Variants in ACOT7 observed in about 807,000 individuals in gnomAD.
ACOT7 encodes the protein cytosolic acyl coenzyme A thioester hydrolase.
In ACOT7, 12 loss-of-function variants were observed where a neutral mutation model predicts 40.2. The ratio of observed to expected loss-of-function variants is 0.30; its 90% CI spans 0.19 to 0.48. ACOT7 has a LOEUF of 0.48. ACOT7 is among the 20% of genes least tolerant of loss of function. The pLI is 0.99. For missense variants in ACOT7, 395 were observed against 530.8 expected (o/e 0.74, Z 2.51); for synonymous variants, 228 against 219.5 (o/e 1.04, Z -0.34).
rs758517942 is a variant in ACOT7, at chr1:6,294,860, T to C, written c.829+4A>G. 3 of 1,612,802 alleles carry C rather than the reference T, an allele frequency of 1.9e-6. No individual in the cohort carries two copies. Among genetic ancestry groups the C allele is most frequent in the African/African-American group, 2.7e-5 (2 of 74,894 alleles). On this transcript the variant is annotated splice_donor_region_variant and intron_variant, in intron 7 of 8. Coordinates refer to ENST00000361521, the MANE Select transcript of ACOT7 (RefSeq NM_007274.4). The surrounding 1 kb of genome is among the most constrained non-coding windows in gnomAD (Gnocchi z 4.6). ...TCCCTCGTCTTTGCCAGAAGAGTGG[T>C]TACCTTTTCTGATCTTGTCATGAAA...
intron 7 of ACOT7, among the ~76,000 whole-genome samples, chr1:6,283,834 A>C (rs1037648292): frequency 7.2e-5 from 11 of 152,250 alleles, no homozygotes; most frequent in African/African-American, 2.7e-4. Context: ...GAAATACTTT[A>C]AAACTGGAAA....
chr1:6,359,396 A>C lies in ACOT7; in HGVS notation c.144-9530T>G, dbSNP rs965609742. On this transcript the variant is annotated intron_variant, in intron 1 of 8. Coordinates refer to ENST00000361521, the MANE Select transcript of ACOT7 (RefSeq NM_007274.4). This position sits in a 1 kb window ranked among gnomAD's most constrained non-coding sequence, Gnocchi z 4.1. ...GTCCCAAGGGCCAGCTCCCTGGCTG[A>C]AGCAAAGTGGACAGGCGGTCCAGCC... is the stretch of plus-strand genomic sequence containing the variant. The C allele has an allele frequency of 6.5e-6, 1 of 153,478 alleles. No homozygotes were observed. The highest frequency in any genetic ancestry group is 1.4e-5 in the Non-Finnish European group (1 of 68,976). 9.5% of individuals were successfully genotyped at this position (153,478 alleles called of 1,614,324 possible).
At chr1:6,361,957 C>A (rs1486398006) in intron 1 of ACOT7, among the ~76,000 whole-genome samples, 1 of 152,184 alleles carries the variant, frequency 6.6e-6, no homozygotes, top group African/African-American at 2.4e-5. Context: ...TAAAGAAAAA[C>A]ACACACAGCT....
At chr1:6,361,401 G>A (rs1641890882) in intron 1 of ACOT7, among the ~76,000 whole-genome samples, 1 of 152,198 alleles carries the variant, frequency 6.6e-6, no homozygotes, top group Admixed American at 6.5e-5. Context: ...GAATTAAATC[G>A]TGCTGGTGGC....
At chr1:6,387,153 A>C (rs1430906524) in intron 1 of ACOT7, among the ~76,000 whole-genome samples, 1 of 152,120 alleles carries the variant, frequency 6.6e-6, no homozygotes, top group Non-Finnish European at 1.5e-5. Context: ...AGTGAGTGAA[A>C]GCAGATCTTT....
At chr1:6,277,589 G>A (rs921963248) in intron 8 of ACOT7, among the ~76,000 whole-genome samples, 29 of 152,216 alleles carry the variant, frequency 1.9e-4, no homozygotes, top group Admixed American at 7.2e-4. Context: ...AAGCTCCCCC[G>A]TTACAGACAG....
chr1:6,354,477 A>T (rs2010905), intron 1 of ACOT7, among the ~76,000 whole-genome samples: 16,127 of 152,282 alleles, frequency 0.11, 1,677 homozygotes, highest in African/African-American at 0.26. Context: ...TGAGACAGGG[A>T]CGCAGCTGTC....
Position 6,299,665 on chromosome 1 carries a change from AGTGTGT to A in ACOT7, c.713-4691_713-4686del, listed in dbSNP as rs3838286. Reference sequence around the variant, plus strand: ...CAGAGAGAGAGAGAGAGAGAGCGCAAGTGTGTGTGTGTGTGTGTGTGTGTGTAGGGC... The same window carrying A: ...CAGAGAGAGAGAGAGAGAGAGCGCAAGTGTGTGTGTGTGTGTGTGTAGGGC... On this transcript the variant is annotated intron_variant, in intron 6 of 8. Coordinates refer to ENST00000361521, the MANE Select transcript of ACOT7 (RefSeq NM_007274.4). The surrounding 1 kb of genome is among the most constrained non-coding windows in gnomAD (Gnocchi z 4.1). 4.7e-5 allele frequency among the ~76,000 whole-genome samples: 7 copies of A among 148,444 alleles called. No homozygotes were observed. Among genetic ancestry groups the A allele is most frequent in the East Asian group, 2.0e-4 (1 of 5,022 alleles).
Position 6,294,913 on chromosome 1 carries a change from G to A in ACOT7, c.780C>T (p.Ile260=), listed in dbSNP as rs148303638. Residue 260 remains isoleucine (I), a synonymous_variant, in exon 7 of 9, where the codon ATC becomes ATT. Coordinates refer to ENST00000361521, the MANE Select transcript of ACOT7 (RefSeq NM_007274.4). This position sits in a 1 kb window ranked among gnomAD's most constrained non-coding sequence, Gnocchi z 4.6. ...IVAARHCKTN[I]VTASVDAINF... ...TAATGGCGTCCACGGAAGCTGTGAC[G>A]ATGTTGGTCTTGCAGTGGCGTGCAG... 7.1e-5 allele frequency: 114 copies of A among 1,614,132 alleles called. No homozygotes were observed. The highest frequency in any genetic ancestry group is 4.0e-5 in the African/African-American group (3 of 75,072).
At chr1:6,369,895 T>G (rs1642096007) in intron 1 of ACOT7, among the ~76,000 whole-genome samples, 1 of 152,212 alleles carries the variant, frequency 6.6e-6, no homozygotes. Context: ...AACTTGAAAG[T>G]CAAGATTACT....
At chr1:6,335,494 A>C (rs947660992) in intron 3 of ACOT7, among the ~76,000 whole-genome samples, 3 of 152,146 alleles carry the variant, frequency 2.0e-5, no homozygotes, top group African/African-American at 7.2e-5. Flanking sequence ...CCCTGTCTTA[A>C]AAAAATAAAT....
Position 6,306,963 on chromosome 1 carries a change from T to C in ACOT7, c.712+11529A>G. On this transcript the variant is annotated intron_variant, in intron 6 of 8. Transcript: ENST00000361521. This position sits in a 1 kb window ranked among gnomAD's most constrained non-coding sequence, Gnocchi z 4.3. ...AGAGCGTCTTGGTGGAGGCCTCACT[T>C]GCGTCCCCTCCCATGTTTTCTCTGC... is the stretch of plus-strand genomic sequence containing the variant. The C allele has an allele frequency of 7.9e-7, 1 of 1,263,448 alleles. No homozygotes were observed. Among genetic ancestry groups the C allele is most frequent in the Non-Finnish European group, 1.0e-6 (1 of 965,912 alleles). 78.3% of individuals were successfully genotyped at this position (1,263,448 alleles called of 1,614,324 possible).
At chr1:6,354,627 TCCCCATGGCCTCTGCACTGGCCTCTCACC>T (rs1480956168) in intron 1 of ACOT7, among the ~76,000 whole-genome samples, 32 of 135,502 alleles carry the variant, frequency 2.4e-4, no homozygotes, top group Non-Finnish European at 3.9e-4. Flanking sequence ...GGCCTCTCAC[TCCCCATGGCCTCTGCACTGGCCTCTCACC>T]CCCCGTGGCC....
Position 6,311,286 on chromosome 1 carries a change from C to G in ACOT7, c.712+7206G>C, listed in dbSNP as rs541291942. Among the ~76,000 whole-genome samples the G allele has an allele frequency of 6.6e-6, 1 of 152,280 alleles. No individual in the cohort carries two copies. The highest frequency in any genetic ancestry group is 2.1e-4 in the South Asian group (1 of 4,826). Reference sequence around the variant, plus strand: ...TTTCTAAGCCAGAGAACAACCCATGCCCTCCCTCCATTCCCCTCACGCTCT... The same window carrying G: ...TTTCTAAGCCAGAGAACAACCCATGGCCTCCCTCCATTCCCCTCACGCTCT... On this transcript the variant is annotated intron_variant, in intron 6 of 8. Transcript: ENST00000361521. The surrounding 1 kb of genome is among the most constrained non-coding windows in gnomAD (Gnocchi z 5.2).
intron 1 of ACOT7, among the ~76,000 whole-genome samples, chr1:6,374,248 C>T (rs918329668): frequency 6.6e-6 from 1 of 152,214 alleles, no homozygotes; most frequent in Non-Finnish European, 1.5e-5. Flanking sequence ...GGCCAAATGG[C>T]CCTGGGAGCT....
Position 6,306,868 on chromosome 1 carries a change from G to T in ACOT7, c.712+11624C>A. On this transcript the variant is annotated intron_variant, in intron 6 of 8. Transcript: ENST00000361521. The surrounding 1 kb of genome is among the most constrained non-coding windows in gnomAD (Gnocchi z 4.3). ...TGTGCCCTCTTTTGCATTTTTCAGT[G>T]AAAGTCAACTCCTCCTGCAGGTGCA... is the stretch of plus-strand genomic sequence containing the variant. 1 of 1,289,128 alleles carries T rather than the reference G, an allele frequency of 7.8e-7. No homozygotes were observed. Among genetic ancestry groups the T allele is most frequent in the Non-Finnish European group, 1.0e-6 (1 of 988,680 alleles). The allele number at this position is 1,289,128 out of a possible 1,614,324, so 79.9% of individuals were successfully genotyped here.
intron 8 of ACOT7, among the ~76,000 whole-genome samples, chr1:6,280,249 C>T (rs957019963): frequency 1.3e-5 from 2 of 152,238 alleles, no homozygotes; most frequent in Non-Finnish European, 1.5e-5. Context: ...TCCTCTTGCT[C>T]CCCTCAGTGA....
rs1476035662 is a variant in ACOT7, at chr1:6,306,428, G to A, written c.713-11448C>T. On this transcript the variant is annotated intron_variant, in intron 6 of 8. Transcript: ENST00000361521. The surrounding 1 kb of genome is among the most constrained non-coding windows in gnomAD (Gnocchi z 4.3). ...TAGGATGCTTGGACTGGAGTGATAT[G>A]AACCCCACGCCCAGGCTTTCAGGGT... The A allele has an allele frequency of 4.1e-6, 4 of 985,188 alleles. No individual in the cohort carries two copies. In the Admixed American group the frequency reaches 2.5e-4, roughly 61 times the overall value. The allele number at this position is 985,188 out of a possible 1,614,324, so 61.0% of individuals were successfully genotyped here.
intron 1 of ACOT7, among the ~76,000 whole-genome samples, chr1:6,364,063 C>CA (rs1641948801): frequency 6.6e-6 from 1 of 152,058 alleles, no homozygotes; most frequent in East Asian, 1.9e-4. Context: ...GACCTTGTCT[C>CA]AAAAAAGGCT....
Sources: gnomAD v4.1 joint callset for allele counts (sites outside exome capture counted in the v4.1 genomes callset) on GRCh38, gnomAD v4.1.1 for gene constraint, Gnocchi (gnomAD v3.1) non-coding constraint, MANE v1.5 for transcripts, NCBI Gene and HGNC (gene_info 2026-07-23, HGNC 2026-07-21) for gene names.